The following ANO4 variants were observed in gnomAD, a reference collection of about 807,000 sequenced individuals.
ANO4 encodes the protein anoctamin 4, also known as anoctamin-4.
Under a neutral mutation model 141.9 loss-of-function variants are expected in ANO4, and 69 were observed. That is an observed-to-expected ratio of 0.49 (90% CI 0.40 to 0.59). The LOEUF (loss-of-function observed/expected upper bound fraction) is 0.59. ANO4 is among the 20% of genes least tolerant of loss of function. The pLI is 0.00. For missense variants in ANO4, 894 were observed against 1,162.2 expected (o/e 0.77, Z 3.36); for synonymous variants, 350 against 394.3 (o/e 0.89, Z 1.33).
At position 100,980,212 on chromosome 12, in the gene ANO4, T is replaced by C. The variant is rs143406026; in HGVS notation, c.602+5323T>C. ...AAGGAAAAAGAAATCCCAACGAAGG[T>C]AGTTGATTCAGAATGGCCTCTCAAA... On this transcript the variant is annotated intron_variant, in intron 7 of 27. Transcript: ENST00000392977. Among the ~76,000 whole-genome samples, 412 of 152,306 alleles carry C rather than the reference T, an allele frequency of 2.7e-3. 2 individuals are homozygous for C. The highest frequency in any genetic ancestry group is 4.0e-3 in the Non-Finnish European group (272 of 68,024).
chr12:101,074,499 T>G (rs2048948292), intron 14 of ANO4, among the ~76,000 whole-genome samples: 1 of 152,216 alleles, frequency 6.6e-6, no homozygotes, highest in Admixed American at 6.5e-5. Flanking sequence ...TCACATCTAA[T>G]GCAAGGGTAT....
At chr12:100,945,015 A>G (rs2042668422) in intron 5 of ANO4, among the ~76,000 whole-genome samples, 1 of 152,208 alleles carries the variant, frequency 6.6e-6, no homozygotes, top group Non-Finnish European at 1.5e-5. Context: ...TTTATAGGAC[A>G]TAAAATGAAG....
intron 2 of ANO4, among the ~76,000 whole-genome samples, chr12:100,917,557 G>C (rs2041404024): frequency 6.6e-6 from 1 of 152,076 alleles, no homozygotes; most frequent in African/African-American, 2.4e-5. Flanking sequence ...TCTCTCACTT[G>C]GGCACTATAA....
chr12:100,864,423 A>C (rs537843840), intron 1 of ANO4, among the ~76,000 whole-genome samples: 1 of 152,186 alleles, frequency 6.6e-6, no homozygotes, highest in African/African-American at 2.4e-5. Context: ...ACTACAAGCA[A>C]TTATTTCTGA....
At chr12:101,038,861 G>A (rs2047304063) in intron 10 of ANO4, 1 of 152,084 alleles carries the variant, frequency 6.6e-6, no homozygotes, top group Non-Finnish European at 1.5e-5. Flanking sequence ...TATTGCTTGA[G>A]TTCAGGAGTT....
chr12:100,970,199 A>G (rs2043855100), intron 5 of ANO4, among the ~76,000 whole-genome samples: 1 of 152,176 alleles, frequency 6.6e-6, no homozygotes, highest in Non-Finnish European at 1.5e-5. Context: ...TTTTGCCTGG[A>G]TGACTGAGAA....
chr12:101,003,853 T>C (rs1455665696), intron 8 of ANO4, among the ~76,000 whole-genome samples: 2 of 152,122 alleles, frequency 1.3e-5, no homozygotes, highest in Non-Finnish European at 2.9e-5. Context: ...AGAAAAGGAA[T>C]TTTCCATGCA....
chr12:101,025,574 C>G (rs2046700181), intron 9 of ANO4, among the ~76,000 whole-genome samples: 1 of 152,182 alleles, frequency 6.6e-6, no homozygotes, highest in Admixed American at 6.5e-5. Context: ...TACCCAAGGC[C>G]AGAGAAAGAA....
At position 100,983,798 on chromosome 12, in the gene ANO4, C is replaced by A. The variant is rs540502620; in HGVS notation, c.603-3741C>A. On this transcript the variant is annotated intron_variant, in intron 7 of 27. Coordinates refer to ENST00000392977, the MANE Select transcript of ANO4 (RefSeq NM_001286615.2). ...ATCTGAGTAATTCAGGATGCTCCCC[C>A]TATCTTAAGGTCTGTAACCTTCCTT... is the stretch of plus-strand genomic sequence containing the variant. Among the ~76,000 whole-genome samples, 4 of 152,308 alleles carry A rather than the reference C, an allele frequency of 2.6e-5. No individual in the cohort carries two copies. The South Asian group carries it at 8.3e-4, about 32-fold the overall frequency.
At chr12:100,989,621 A>AGATGGATGGATGGATG (rs375754773) in intron 8 of ANO4, among the ~76,000 whole-genome samples, 1 of 103,196 alleles carries the variant, frequency 9.7e-6, no homozygotes, top group African/African-American at 3.4e-5. Flanking sequence ...ATGGATGGAT[A>AGATGGATGGATGGATG]GATGGATGGA....
chr12:100,893,011 A>T (rs928786787), intron 1 of ANO4, among the ~76,000 whole-genome samples: 10 of 152,150 alleles, frequency 6.6e-5, no homozygotes, highest in African/African-American at 2.4e-4. Flanking sequence ...CATTCAGGGG[A>T]CATATATATA....
intron 22 of ANO4, among the ~76,000 whole-genome samples, chr12:101,106,528 C>T (rs893662293): frequency 3.4e-4 from 50 of 149,056 alleles, no homozygotes; most frequent in African/African-American, 1.2e-3. Flanking sequence ...GATATATGCA[C>T]TATGTATAAT....
At chr12:101,091,525 TG>T (rs2049773687) in intron 17 of ANO4, among the ~76,000 whole-genome samples, 2 of 152,172 alleles carry the variant, frequency 1.3e-5, no homozygotes, top group South Asian at 4.1e-4. Flanking sequence ...GACTAAAGGT[TG>T]TAATATAGCT....
chr12:100,912,912 C>CA (rs951313724), intron 2 of ANO4, among the ~76,000 whole-genome samples: 5 of 152,136 alleles, frequency 3.3e-5, no homozygotes, highest in African/African-American at 1.2e-4. Context: ...TTAGAAATAA[C>CA]ACTGTAATTA....
intron 3 of ANO4, among the ~76,000 whole-genome samples, chr12:100,779,070 CA>C (rs200728027): frequency 6.6e-6 from 1 of 151,068 alleles, no homozygotes; most frequent in South Asian, 2.1e-4. Context: ...AAACAAAAAA[CA>C]AAAAAACAGA....
chr12:100,766,990 G>A (rs1004299779), intron 3 of ANO4, among the ~76,000 whole-genome samples: 4 of 152,056 alleles, frequency 2.6e-5, no homozygotes, highest in African/African-American at 7.2e-5. Context: ...GTGACAGTTT[G>A]TGATTTAGTC....
At chr12:100,965,294 G>C (rs1333176623) in intron 5 of ANO4, among the ~76,000 whole-genome samples, 1 of 151,900 alleles carries the variant, frequency 6.6e-6, no homozygotes, top group African/African-American at 2.4e-5. Flanking sequence ...TCAGTCCCAA[G>C]TTCTTTCAAA....
chr12:101,094,574 T>C (rs2049905325), intron 18 of ANO4, among the ~76,000 whole-genome samples: 1 of 152,214 alleles, frequency 6.6e-6, no homozygotes. Flanking sequence ...AGTACATTTG[T>C]ATAAAGTATC....
chr12:100,751,948 A>G (rs1341604146), intron 3 of ANO4, among the ~76,000 whole-genome samples: 1 of 152,206 alleles, frequency 6.6e-6, no homozygotes, highest in Non-Finnish European at 1.5e-5. Flanking sequence ...AATGTGGAAT[A>G]GGAGACAAAG....
Sources: allele counts gnomAD v4.1 joint callset (sites outside exome capture counted in the v4.1 genomes callset), GRCh38; gene constraint gnomAD v4.1.1; transcripts MANE v1.5; gene names NCBI Gene and HGNC (gene_info 2026-07-23, HGNC 2026-07-21).